The following DNM2 variants were observed in gnomAD, a reference collection of about 807,000 sequenced individuals.
DNM2 encodes the protein dynamin-2.
DNM2 carries 15 observed loss-of-function variants against 99.0 expected under a neutral mutation model. The ratio of observed to expected loss-of-function variants is 0.15; its 90% CI spans 0.10 to 0.23. DNM2 has a LOEUF of 0.23. Among genes scored for constraint, DNM2 ranks in the 10% least tolerant of loss-of-function variants. The pLI is 1.00. For synonymous variants in DNM2, 525 were observed against 481.2 expected (o/e 1.09, Z -1.19); for missense variants, 742 against 1,189.4 (o/e 0.62, Z 5.53).
chr19:10,723,128 G>A (rs2068994408), intron 1 of DNM2, among the ~76,000 whole-genome samples: 2 of 144,604 alleles, frequency 1.4e-5, no homozygotes, highest in African/African-American at 5.3e-5. Context: ...ACCACACCTG[G>A]CTAATTTTTT....
Position 10,830,348 on chromosome 19 carries a change from TC to T in DNM2, c.2519del (p.Pro840GlnfsTer75). On this transcript the variant is annotated frameshift_variant, in exon 20 of 21. Transcript: ENST00000389253. LOFTEE classifies it high-confidence loss of function. The surrounding 1 kb of genome is among the most constrained non-coding windows in gnomAD (Gnocchi z 4.8). ...PPQIPSRPVR[I>X]PPGIPPGVPS... Reference sequence around the variant, plus strand: ...CAGATCCCATCTCGGCCAGTTCGGATCCCCCCAGGGATTCCCCCAGGAGTGC... The same window carrying T: ...CAGATCCCATCTCGGCCAGTTCGGATCCCCCAGGGATTCCCCCAGGAGTGC... 1 of 1,612,138 alleles carries T rather than the reference TC, an allele frequency of 6.2e-7. No individual in the cohort carries two copies.
intron 15 of DNM2, among the ~76,000 whole-genome samples, chr19:10,815,370 C>T (rs907125106): frequency 4.6e-5 from 7 of 152,164 alleles, no homozygotes; most frequent in African/African-American, 1.7e-4. Flanking sequence ...GGCTTGACAC[C>T]CGGAAGTCAC....
Position 10,820,170 on chromosome 19 carries a change from T to A in DNM2, c.1781+81T>A. ...ACACTCCACAACCTTCACTGAGCAC[T>A]GAGCACCTGGCTGTCAGCAGTCCCT... On this transcript the variant is annotated intron_variant, in intron 16 of 20. Coordinates refer to ENST00000389253, the MANE Select transcript of DNM2 (RefSeq NM_001005361.3). The surrounding 1 kb of genome is among the most constrained non-coding windows in gnomAD (Gnocchi z 4.3). The A allele has an allele frequency of 7.2e-7, 1 of 1,380,604 alleles. No individual in the cohort carries two copies. The highest frequency in any genetic ancestry group is 1.0e-6 in the Non-Finnish European group (1 of 971,846). The allele number at this position is 1,380,604 out of a possible 1,614,324, so 85.5% of individuals were successfully genotyped here. A position where few individuals can be genotyped will look rare whatever the true frequency, so the allele number is the denominator to read the frequency against.
chr19:10,825,573 G>A (rs1326241756), intron 18 of DNM2, among the ~76,000 whole-genome samples: 2 of 152,186 alleles, frequency 1.3e-5, no homozygotes, highest in East Asian at 3.9e-4. Context: ...GGAGGCTGAG[G>A]CAGGGGAATC....
chr19:10,759,056 C>G (rs1444371756), intron 1 of DNM2, among the ~76,000 whole-genome samples: 1 of 152,202 alleles, frequency 6.6e-6, no homozygotes. Context: ...ATCCTCCTCT[C>G]TCAGCCTCTC....
At chr19:10,788,504 C>T (rs747389401) in intron 7 of DNM2, among the ~76,000 whole-genome samples, 3 of 152,118 alleles carry the variant, frequency 2.0e-5, no homozygotes, top group East Asian at 1.9e-4. Context: ...CAGTTCTGAG[C>T]GCAGGAGAGT....
intron 1 of DNM2, among the ~76,000 whole-genome samples, chr19:10,743,631 A>G (rs2069841927): frequency 6.6e-6 from 1 of 151,672 alleles, no homozygotes. Context: ...TAATATGGTA[A>G]AACTCCGTCT....
chr19:10,830,012 G>A lies in DNM2; in HGVS notation c.2292-115G>A, dbSNP rs542970866. 1 of 1,485,554 alleles carries A rather than the reference G, an allele frequency of 6.7e-7. No individual in the cohort carries two copies. Among genetic ancestry groups the A allele is most frequent in the East Asian group, 2.3e-5 (1 of 44,208 alleles). 92.0% of individuals were successfully genotyped at this position (1,485,554 alleles called of 1,614,324 possible). The stretch of plus-strand genomic sequence containing the variant: ...CAGGTTGGGGTGGGAGGATCCCACT[G>A]CGCCTGCGCTGTCCCCATAGCCAGC... On this transcript the variant is annotated intron_variant, in intron 19 of 20. Transcript: ENST00000389253. This position sits in a 1 kb window ranked among gnomAD's most constrained non-coding sequence, Gnocchi z 4.8.
chr19:10,735,939 C>T (rs546133086), intron 1 of DNM2, among the ~76,000 whole-genome samples: 4 of 152,218 alleles, frequency 2.6e-5, no homozygotes, highest in Admixed American at 2.6e-4. Flanking sequence ...ATGGCTCTGT[C>T]CTTTCTCCAA....
intron 1 of DNM2, among the ~76,000 whole-genome samples, chr19:10,747,885 G>T (rs1178410230): frequency 6.6e-6 from 1 of 152,146 alleles, no homozygotes; most frequent in Non-Finnish European, 1.5e-5. Flanking sequence ...GGAGGGTGCA[G>T]TTTGCTGGGA....
rs1027816041 is a variant in DNM2 at position 10,812,193 on chromosome 19, A to G, written c.1558-71A>G. On this transcript the variant is annotated intron_variant, in intron 14 of 20. Coordinates refer to ENST00000389253, the MANE Select transcript of DNM2 (RefSeq NM_001005361.3). This position sits in a 1 kb window ranked among gnomAD's most constrained non-coding sequence, Gnocchi z 4.0. Reference sequence around the variant, plus strand: ...CCTGGCTTCCCACTGAGCTGTGGGCAAGGCTGCTGCGCTGGGGGATGGCTG... The same window carrying G: ...CCTGGCTTCCCACTGAGCTGTGGGCGAGGCTGCTGCGCTGGGGGATGGCTG... The G allele has an allele frequency of 1.5e-5, 21 of 1,383,804 alleles. No individual in the cohort carries two copies. Among genetic ancestry groups the G allele is most frequent in the Non-Finnish European group, 2.1e-5 (21 of 1,004,778 alleles). 85.7% of individuals were successfully genotyped at this position (1,383,804 alleles called of 1,614,324 possible).
At chr19:10,727,758 T>C (rs1437315289) in intron 1 of DNM2, among the ~76,000 whole-genome samples, 1 of 152,140 alleles carries the variant, frequency 6.6e-6, no homozygotes, top group African/African-American at 2.4e-5. Context: ...TCTCAGCGTT[T>C]ATATTTGGCT....
Position 10,805,908 on chromosome 19 carries a change from G to A in DNM2, c.1494-8G>A, listed in dbSNP as rs2072319929. 1 of 1,614,052 alleles carries A rather than the reference G, an allele frequency of 6.2e-7. No individual in the cohort carries two copies. Among genetic ancestry groups the A allele is most frequent in the Non-Finnish European group, 8.5e-7 (1 of 1,180,024 alleles). On this transcript the variant is annotated splice_polypyrimidine_tract_variant and splice_region_variant and intron_variant, in intron 12 of 20. Transcript: ENST00000389253. ...TCCACGTGAACCCTGTCTGTTCTTT[G>A]GTTTCAGTGCCCAGCAGAGGAGCAC...
At position 10,812,867 on chromosome 19, in the gene DNM2, G is replaced by T. The variant is rs1012102339; in HGVS notation, c.1671+490G>T. Among the ~76,000 whole-genome samples the T allele has an allele frequency of 6.6e-6, 1 of 151,598 alleles. No homozygotes were observed. The highest frequency in any genetic ancestry group is 2.4e-5 in the African/African-American group (1 of 41,398). On this transcript the variant is annotated intron_variant, in intron 15 of 20. Coordinates refer to ENST00000389253, the MANE Select transcript of DNM2 (RefSeq NM_001005361.3). This position sits in a 1 kb window ranked among gnomAD's most constrained non-coding sequence, Gnocchi z 4.0. Reference sequence around the variant, plus strand: ...CACCATGTGCCAAAAGGCTTACATTGTACCTGGCCCCCATGGGACCAGCTC... The same window carrying T: ...CACCATGTGCCAAAAGGCTTACATTTTACCTGGCCCCCATGGGACCAGCTC...
intron 1 of DNM2, among the ~76,000 whole-genome samples, chr19:10,746,737 T>G (rs1334726701): frequency 3.0e-4 from 41 of 138,342 alleles, no homozygotes; most frequent in African/African-American, 8.7e-4. Flanking sequence ...GTTTTTTGTT[T>G]TTTTTTTTTT....
rs1205885916 is a variant in DNM2, at chr19:10,795,715, G to A, written c.1196+276G>A. 1.7e-6 allele frequency: 1 copy of A among 581,608 alleles called. No individual in the cohort carries two copies. Among genetic ancestry groups the A allele is most frequent in the African/African-American group, 1.9e-5 (1 of 53,540 alleles). 36.0% of individuals were successfully genotyped at this position (581,608 alleles called of 1,614,324 possible). ...CCCAGTCGGTTGGTGTGAACCTCAT[G>A]CTAAACTAAGAATGCTCACTGCAGA... On this transcript the variant is annotated intron_variant, in intron 9 of 20. Transcript: ENST00000389253. This position sits in a 1 kb window ranked among gnomAD's most constrained non-coding sequence, Gnocchi z 4.2.
Position 10,831,680 on chromosome 19 carries a change from C to G in DNM2, c.*633C>G. The G allele has an allele frequency of 1.0e-6, 1 of 986,304 alleles. No homozygotes were observed. The highest frequency in any genetic ancestry group is 1.2e-6 in the Non-Finnish European group (1 of 830,312). 61.1% of individuals were successfully genotyped at this position (986,304 alleles called of 1,614,324 possible). ...GCCTTGCCCTATTCCTCTCCTCCTC[C>G]TCCTCCTGGGTCCCCCAGGGTGGCT... On this transcript the variant is annotated 3_prime_UTR_variant, in exon 21 of 21. Coordinates refer to ENST00000389253, the MANE Select transcript of DNM2 (RefSeq NM_001005361.3). The surrounding 1 kb of genome is among the most constrained non-coding windows in gnomAD (Gnocchi z 4.3).
intron 6 of DNM2, among the ~76,000 whole-genome samples, chr19:10,785,271 CCACACCCGG>C (rs1217914488): frequency 6.6e-6 from 1 of 152,040 alleles, no homozygotes; most frequent in East Asian, 1.9e-4. Context: ...GCACCCATCA[CCACACCCGG>C]CTAATTTTTT....
chr19:10,825,809 G>A (rs1271120246), intron 18 of DNM2, among the ~76,000 whole-genome samples: 11 of 148,928 alleles, frequency 7.4e-5, no homozygotes, highest in Non-Finnish European at 1.6e-4. Flanking sequence ...AGCCAAGATC[G>A]TGCCACTGCA....
Sources: allele counts gnomAD v4.1 joint callset (sites outside exome capture counted in the v4.1 genomes callset), GRCh38; gene constraint gnomAD v4.1.1; non-coding constraint Gnocchi (gnomAD v3.1); transcripts MANE v1.5; gene names NCBI Gene and HGNC (gene_info 2026-07-23, HGNC 2026-07-21).